The following KDM4C variants were observed in gnomAD, a reference collection of about 807,000 sequenced individuals.
KDM4C encodes lysine-specific demethylase 4C.
A neutral mutation model predicts 129.3 loss-of-function variants in KDM4C; 81 were observed. That is an observed-to-expected ratio of 0.63 (90% confidence interval 0.52 to 0.75). The LOEUF is 0.75. Ranked by LOEUF, KDM4C falls within the 30% of genes least tolerant of loss-of-function variation. The pLI, the probability that KDM4C is intolerant of heterozygous loss-of-function variation, is 0.00. For missense variants in KDM4C, 1,457 were observed against 1,304.0 expected, an observed-to-expected ratio of 1.12 and a Z score of -1.81; for synonymous variants, 573 against 456.1, an observed-to-expected ratio of 1.26 and a Z score of -3.26.
chr9:7,058,978 A>G (rs1305932155), intron 17 of KDM4C, among the ~76,000 whole-genome samples: 2 of 152,222 alleles, frequency 1.3e-5, no homozygotes, highest in Non-Finnish European at 2.9e-5. Context: ...TGAGCTTTCT[A>G]CATGAAAACT....
intron 4 of KDM4C, among the ~76,000 whole-genome samples, chr9:6,826,337 A>G (rs1185399622): frequency 6.6e-6 from 1 of 152,174 alleles, no homozygotes; most frequent in Non-Finnish European, 1.5e-5. Flanking sequence ...TATGAAAAAT[A>G]TGGGAAGGTA....
intron 4 of KDM4C, among the ~76,000 whole-genome samples, chr9:6,840,938 C>T (rs768081579): frequency 6.6e-6 from 1 of 152,158 alleles, no homozygotes; most frequent in African/African-American, 2.4e-5. Context: ...CTAGCTATGT[C>T]AGCCCTTGGA....
intron 18 of KDM4C, among the ~76,000 whole-genome samples, chr9:7,127,690 G>C (rs1840167326): frequency 6.6e-6 from 1 of 152,120 alleles, no homozygotes; most frequent in South Asian, 2.1e-4. Flanking sequence ...TTGACCAACT[G>C]GAGTATAGAT....
intron 8 of KDM4C, among the ~76,000 whole-genome samples, chr9:6,917,628 G>A (rs1330143039): frequency 1.3e-5 from 2 of 152,092 alleles, no homozygotes; most frequent in Admixed American, 6.6e-5. Context: ...AGTTGTTCAC[G>A]ATGCCCAGCA....
At chr9:7,081,515 A>G (rs1834517802) in intron 17 of KDM4C, among the ~76,000 whole-genome samples, 1 of 152,174 alleles carries the variant, frequency 6.6e-6, no homozygotes, top group African/African-American at 2.4e-5. Flanking sequence ...ATGAGTGAAA[A>G]TCATCTGATC....
At chr9:7,124,295 G>A (rs1839808957) in intron 18 of KDM4C, among the ~76,000 whole-genome samples, 1 of 152,176 alleles carries the variant, frequency 6.6e-6, no homozygotes, top group Non-Finnish European at 1.5e-5. Flanking sequence ...AAAATACAAT[G>A]CTTGTAATGC....
At chr9:6,957,831 G>A (rs937744189) in intron 8 of KDM4C, among the ~76,000 whole-genome samples, 3 of 152,138 alleles carry the variant, frequency 2.0e-5, no homozygotes, top group Non-Finnish European at 4.4e-5. Context: ...AAACCCTTGT[G>A]CAAACTGCCT....
intron 18 of KDM4C, among the ~76,000 whole-genome samples, chr9:7,117,737 C>A (rs2133266447): frequency 6.6e-6 from 1 of 151,604 alleles, no homozygotes; most frequent in East Asian, 1.9e-4. Context: ...ACCCAAGAAG[C>A]CTGAAGAACT....
At chr9:7,165,491 A>T (rs1844286694) in intron 20 of KDM4C, 134 bp downstream of exon 20, 2 of 1,023,744 alleles carry the variant, frequency 2.0e-6, no homozygotes, top group Non-Finnish European at 2.8e-6. Flanking sequence ...GGAGGCAAAG[A>T]TTCAATGTGT....
intron 1 of KDM4C, among the ~76,000 whole-genome samples, chr9:6,784,271 G>T (rs1044699455): frequency 5.7e-4 from 87 of 152,144 alleles, no homozygotes; most frequent in Non-Finnish European, 1.8e-4. Context: ...CATGTGGGAG[G>T]GATTAAAATC....
chr9:6,771,261 G>C (rs1821779661), intron 1 of KDM4C, among the ~76,000 whole-genome samples: 1 of 151,396 alleles, frequency 6.6e-6, no homozygotes, highest in Non-Finnish European at 1.5e-5. Context: ...TAATTGGAAA[G>C]TTTGCGTATT....
Position 6,880,023 on chromosome 9 carries a change from C to T in KDM4C, c.641C>T (p.Pro214Leu). ...FGEPKSWYAI[P>L]PEHGKRLERL... ...GTTTAAAATTTTAGGTATGCTATAC[C>T]TCCGGAGCATGGAAAACGACTTGAA... Residue 214 changes from proline to leucine, a missense_variant, in exon 6 of 22, where the codon CCT becomes CTT. Pro to Leu is a moderately conservative substitution (Grantham distance 98, BLOSUM62 -3). Transcript: ENST00000381309. 6.3e-7 allele frequency: 1 copy of T among 1,594,376 alleles called. No homozygotes were observed. Among genetic ancestry groups the T allele is most frequent in the Non-Finnish European group, 8.6e-7 (1 of 1,167,174 alleles).
intron 17 of KDM4C, among the ~76,000 whole-genome samples, chr9:7,060,577 G>A (rs2132680693): frequency 6.6e-6 from 1 of 151,896 alleles, no homozygotes; most frequent in Admixed American, 6.5e-5. Context: ...CGCGTCCCGG[G>A]TTCAAGTGAT....
intron 17 of KDM4C, among the ~76,000 whole-genome samples, chr9:7,077,479 A>G (rs1180056684): frequency 6.6e-6 from 1 of 152,240 alleles, no homozygotes; most frequent in Non-Finnish European, 1.5e-5. Flanking sequence ...GACATTGTCT[A>G]GTAATCTTCC....
Position 7,174,792 on chromosome 9 carries a change from T to C in KDM4C, c.*63T>C. 7.1e-7 allele frequency: 1 copy of C among 1,402,626 alleles called. No homozygotes were observed. Among genetic ancestry groups the C allele is most frequent in the Non-Finnish European group, 1.0e-6 (1 of 1,001,220 alleles). The allele number at this position is 1,402,626 out of a possible 1,614,324, so 86.9% of individuals were successfully genotyped here. A position where few individuals can be genotyped will look rare whatever the true frequency, so the allele number is the denominator to read the frequency against. ...TTGGAAGAGAGAAGATGAAGGGACA[T>C]CCTTGGGGCTGTGCCGTGAGTTTTG... On this transcript the variant is annotated 3_prime_UTR_variant, in exon 22 of 22. Coordinates refer to ENST00000381309, the MANE Select transcript of KDM4C (RefSeq NM_015061.6).
At chr9:6,778,256 A>T (rs1456893495) in intron 1 of KDM4C, among the ~76,000 whole-genome samples, 2 of 151,188 alleles carry the variant, frequency 1.3e-5, no homozygotes, top group Non-Finnish European at 3.0e-5. Flanking sequence ...CCCCTGGCTA[A>T]TTTTTGTATT....
Position 6,986,361 on chromosome 9 carries a change from A to T in KDM4C, c.1372A>T (p.Thr458Ser). ...ATCCTCAGGAAACAGCTGCTTAAGT[A>T]CATCTGTAACAGAAGACATAAAAAC... is the stretch of plus-strand genomic sequence containing the variant. ...IKLSGNSCLSTSVTEDIKTED... is the reference protein window; with the variant it reads ...IKLSGNSCLSSSVTEDIKTED... Residue 458 changes from threonine (T) to serine (S), a missense_variant, in exon 11 of 22, where the codon ACA becomes TCA. Transcript: ENST00000381309. 1 of 1,609,154 alleles carries T rather than the reference A, an allele frequency of 6.2e-7. No individual in the cohort carries two copies. Among genetic ancestry groups the T allele is most frequent in the Non-Finnish European group, 8.5e-7 (1 of 1,175,976 alleles).
intron 4 of KDM4C, among the ~76,000 whole-genome samples, chr9:6,839,396 GTTT>G (rs36061484): frequency 9.1e-6 from 1 of 109,914 alleles, no homozygotes; most frequent in Non-Finnish European, 1.8e-5. Context: ...CACCTGGCCA[GTTT>G]TTTTTTTTTT....
chr9:6,995,417 A>C (rs1819514585), intron 12 of KDM4C, among the ~76,000 whole-genome samples: 1 of 152,162 alleles, frequency 6.6e-6, no homozygotes, highest in Non-Finnish European at 1.5e-5. Flanking sequence ...ATGAAAGCCT[A>C]CCTTGAATAA....
Sources: allele counts gnomAD v4.1 joint callset (sites outside exome capture counted in the v4.1 genomes callset), GRCh38; gene constraint gnomAD v4.1.1; transcripts MANE v1.5; gene names NCBI Gene and HGNC (gene_info 2026-07-23, HGNC 2026-07-21).